CRACR2A: variants seen among roughly 807,000 people sequenced by gnomAD.
CRACR2A encodes calcium release activated channel regulator 2A.
In CRACR2A, 79 loss-of-function variants were observed where a neutral mutation model predicts 90.5. That is an observed-to-expected ratio of 0.87 (90% CI 0.73 to 1.05). CRACR2A has a LOEUF of 1.05. Among genes scored for constraint, CRACR2A ranks in the 50% least tolerant of loss-of-function variants. The pLI is 0.00. For synonymous variants in CRACR2A, 338 were observed against 356.7 expected, an observed-to-expected ratio of 0.95 and a Z score of 0.59; for missense variants, 823 against 897.2, an observed-to-expected ratio of 0.92 and a Z score of 1.06.
chr12:3,648,415 A>T lies in CRACR2A; in HGVS notation c.1118+127T>A, dbSNP rs1433678251. ...CAAACACTGCACTGGGGACCAAGGG[A>T]ATTGAGGGCACTCTCTCAGCAGGCA... On this transcript the variant is annotated intron_variant, in intron 11 of 19. Coordinates refer to ENST00000440314, the MANE Select transcript of CRACR2A (RefSeq NM_001144958.2). 3.8e-6 allele frequency: 6 copies of T among 1,581,008 alleles called. No individual in the cohort carries two copies. The South Asian group carries it at 6.9e-5, about 18-fold the overall frequency.
chr12:3,742,973 CTTCA>C (rs1946551181), intron 1 of CRACR2A, among the ~76,000 whole-genome samples: 1 of 152,236 alleles, frequency 6.6e-6, no homozygotes, highest in African/African-American at 2.4e-5. Flanking sequence ...GTACAAAGCA[CTTCA>C]TACAGTAGGT....
At chr12:3,728,790 C>T (rs1427842003) in intron 2 of CRACR2A, 31 of 152,242 alleles carry the variant, frequency 2.0e-4, no homozygotes, top group Admixed American at 2.0e-3. Flanking sequence ...CACCTTTCAA[C>T]CCCGAGTGGC....
intron 3 of CRACR2A, among the ~76,000 whole-genome samples, chr12:3,700,564 A>G (rs1210610801): frequency 1.3e-5 from 2 of 152,266 alleles, no homozygotes; most frequent in Non-Finnish European, 2.9e-5. Context: ...AGAATACTGC[A>G]TATTAATATC....
At chr12:3,726,111 C>A (rs1480641010) in intron 2 of CRACR2A, 1 of 151,898 alleles carries the variant, frequency 6.6e-6, no homozygotes, top group South Asian at 2.1e-4. Context: ...AGTCGGTCGA[C>A]CCAAACGCAT....
At chr12:3,638,052 G>C in intron 14 of CRACR2A, 72 bp downstream of exon 14, 5 of 1,425,438 alleles carry the variant, frequency 3.5e-6, no homozygotes, top group Non-Finnish European at 4.7e-6. Context: ...GCCTCTCCGG[G>C]CGCTTGGCCT....
At chr12:3,669,040 G>C (rs1008764733) in intron 7 of CRACR2A, among the ~76,000 whole-genome samples, 10 of 152,190 alleles carry the variant, frequency 6.6e-5, no homozygotes, top group Admixed American at 5.2e-4. Context: ...GATTGAGCAG[G>C]AGCCCTCCCA....
At position 3,746,086 on chromosome 12, in the gene CRACR2A, A is replaced by G. The variant is rs950849271; in HGVS notation, c.-387+6929T>C. On this transcript the variant is annotated intron_variant, in intron 1 of 19. Coordinates refer to ENST00000440314, the MANE Select transcript of CRACR2A (RefSeq NM_001144958.2). This position sits in a 1 kb window ranked among gnomAD's most constrained non-coding sequence, Gnocchi z 4.4. Reference sequence around the variant, plus strand: ...CAGCCTGGGCTGTACTTCTAGGTGCAGCTCAAATCCTACCTCCTCTCTAAA... The same window carrying G: ...CAGCCTGGGCTGTACTTCTAGGTGCGGCTCAAATCCTACCTCCTCTCTAAA... Among the ~76,000 whole-genome samples the G allele has an allele frequency of 2.0e-4, 30 of 152,188 alleles. No homozygotes were observed. The highest frequency in any genetic ancestry group is 6.5e-4 in the African/African-American group (27 of 41,460).
chr12:3,615,832 G>T (rs1867669125), intron 19 of CRACR2A, among the ~76,000 whole-genome samples: 1 of 152,186 alleles, frequency 6.6e-6, no homozygotes, highest in Non-Finnish European at 1.5e-5. Context: ...CTTATCTTTT[G>T]TCTCTGTGCC....
intron 2 of CRACR2A, among the ~76,000 whole-genome samples, chr12:3,714,794 G>C (rs1457909665): frequency 6.6e-6 from 1 of 152,176 alleles, no homozygotes; most frequent in East Asian, 1.9e-4. Context: ...CCAGATCTTA[G>C]GGTGATGAAC....
chr12:3,646,546 G>A (rs538346799), intron 11 of CRACR2A, among the ~76,000 whole-genome samples: 1 of 152,354 alleles, frequency 6.6e-6, no homozygotes, highest in South Asian at 2.1e-4. Flanking sequence ...TTAGGAATGT[G>A]CCAGGGTTGT....
At chr12:3,644,469 T>C in intron 12 of CRACR2A, 126 bp downstream of exon 12, 4 of 1,003,276 alleles carry the variant, frequency 4.0e-6, no homozygotes, top group Non-Finnish European at 6.1e-6. Flanking sequence ...AACGTTTTCA[T>C]GCCGTCATCC....
chr12:3,637,808 C>T (rs1436307882), intron 14 of CRACR2A, among the ~76,000 whole-genome samples: 1 of 152,184 alleles, frequency 6.6e-6, no homozygotes, highest in Non-Finnish European at 1.5e-5. Flanking sequence ...TGGTAACTGG[C>T]CAAGAAGGCA....
chr12:3,677,032 C>T (rs1279615316), intron 6 of CRACR2A, among the ~76,000 whole-genome samples: 1 of 152,168 alleles, frequency 6.6e-6, no homozygotes, highest in African/African-American at 2.4e-5. Flanking sequence ...CACTAAGCTG[C>T]CAAATCGCTT....
At chr12:3,619,242 C>T in intron 18 of CRACR2A, 29 bp downstream of exon 18, 1 of 1,537,358 alleles carries the variant, frequency 6.5e-7, no homozygotes, top group Non-Finnish European at 8.8e-7. Flanking sequence ...CACACTCTGT[C>T]CAGAGAGATG....
chr12:3,635,964 T>G (rs1399332747), intron 14 of CRACR2A, among the ~76,000 whole-genome samples: 1 of 152,242 alleles, frequency 6.6e-6, no homozygotes, highest in Non-Finnish European at 1.5e-5. Context: ...TATTATTAAC[T>G]TACAAATTTT....
intron 3 of CRACR2A, among the ~76,000 whole-genome samples, chr12:3,707,078 T>C (rs1026479512): frequency 5.3e-5 from 8 of 152,176 alleles, no homozygotes; most frequent in Non-Finnish European, 2.9e-5. Flanking sequence ...CAGGATTTCC[T>C]GGTGTGATTT....
At chr12:3,718,150 G>C (rs1413736135) in intron 2 of CRACR2A, among the ~76,000 whole-genome samples, 1 of 152,222 alleles carries the variant, frequency 6.6e-6, no homozygotes, top group Non-Finnish European at 1.5e-5. Context: ...CACAGAAAGT[G>C]CTTAGCACAG....
intron 7 of CRACR2A, among the ~76,000 whole-genome samples, chr12:3,669,952 G>C (rs146367335): frequency 9.7e-4 from 148 of 152,340 alleles, no homozygotes; most frequent in African/African-American, 3.3e-3. Context: ...TGCACAAGGA[G>C]AAAAATTAGA....
At chr12:3,695,475 G>A (rs894704303) in intron 4 of CRACR2A, among the ~76,000 whole-genome samples, 4 of 152,154 alleles carry the variant, frequency 2.6e-5, no homozygotes, top group Non-Finnish European at 2.9e-5. Context: ...AACAGTTAGA[G>A]AGTGGAATAG....
Sources: gnomAD v4.1 joint callset for allele counts (sites outside exome capture counted in the v4.1 genomes callset) on GRCh38, gnomAD v4.1.1 for gene constraint, Gnocchi (gnomAD v3.1) non-coding constraint, MANE v1.5 for transcripts, NCBI Gene and HGNC (gene_info 2026-07-23, HGNC 2026-07-21) for gene names.